Variants in NRXN3 observed in about 807,000 individuals in gnomAD.
NRXN3 encodes the protein neurexin 3.
NRXN3 carries 32 observed loss-of-function variants against 137.6 expected under a neutral mutation model. The ratio of observed to expected loss-of-function variants is 0.23; its 90% CI spans 0.18 to 0.31. The LOEUF (loss-of-function observed/expected upper bound fraction) is 0.31. Among genes scored for constraint, NRXN3 ranks in the 10% least tolerant of loss-of-function variants. The pLI is 1.00. For missense variants in NRXN3, 1,574 were observed against 2,062.5 expected (o/e 0.76, Z 4.59); for synonymous variants, 798 against 784.5 (o/e 1.02, Z -0.29).
chr14:79,786,723 A>G (rs1246623816), intron 19 of NRXN3, among the ~76,000 whole-genome samples: 1 of 152,252 alleles, frequency 6.6e-6, no homozygotes, highest in Admixed American at 6.5e-5. Context: ...TTAACTGCCC[A>G]ATGTTCAACT....
intron 20 of NRXN3, among the ~76,000 whole-genome samples, chr14:79,828,030 A>G (rs560755670): frequency 1.4e-4 from 21 of 152,270 alleles, no homozygotes; most frequent in African/African-American, 4.8e-4. Context: ...TCTCACTGTC[A>G]TGAGGACAGC....
intron 16 of NRXN3, 126 bp from the exon 17 acceptor site, chr14:79,663,652 T>C (rs2098545027): frequency 2.7e-6 from 2 of 737,466 alleles, no homozygotes; most frequent in Non-Finnish European, 4.5e-6. Flanking sequence ...GCTATTATTA[T>C]CTTATCTTCA....
At chr14:78,869,880 G>A (rs2099097083) in intron 10 of NRXN3, among the ~76,000 whole-genome samples, 1 of 152,166 alleles carries the variant, frequency 6.6e-6, no homozygotes, top group African/African-American at 2.4e-5. Context: ...CAGTGTAGGA[G>A]AGAGAATGGG....
At chr14:78,463,312 T>G (rs1257243332) in intron 4 of NRXN3, among the ~76,000 whole-genome samples, 1 of 152,114 alleles carries the variant, frequency 6.6e-6, no homozygotes, top group Non-Finnish European at 1.5e-5. Context: ...CTTAGGTTGA[T>G]TCTATGACTT....
In NRXN3 at chr14:79,049,098, T is replaced by TAATAATAATAC. The variant is rs1272827423; in HGVS notation, c.3262+60957_3262+60958insAATAATAATAC. Among the ~76,000 whole-genome samples the TAATAATAATAC allele has an allele frequency of 5.2e-3, 529 of 102,298 alleles. 48 individuals are homozygous for TAATAATAATAC. The highest frequency in any genetic ancestry group is 0.021 in the African/African-American group (508 of 24,164). The allele number at this position is 102,298 out of a possible 152,430, so 67.1% of individuals were successfully genotyped here. The stretch of plus-strand genomic sequence containing the variant: ...AATAATAATAATAATAATAATAATA[T>TAATAATAATAC]GATGGGGTGTGCTGCATTGACTGAT... On this transcript the variant is annotated intron_variant, in intron 15 of 20. Transcript: ENST00000335750.
At chr14:79,257,840 A>G (rs1224085773) in intron 15 of NRXN3, among the ~76,000 whole-genome samples, 1 of 151,996 alleles carries the variant, frequency 6.6e-6, no homozygotes, top group Non-Finnish European at 1.5e-5. Context: ...CTGTAAAATT[A>G]TTGTATTTTC....
At chr14:79,758,694 GT>G (rs1250136650) in intron 19 of NRXN3, among the ~76,000 whole-genome samples, 7 of 152,276 alleles carry the variant, frequency 4.6e-5, no homozygotes, top group Non-Finnish European at 8.8e-5. Flanking sequence ...GGTCCAGGAC[GT>G]GTTCAACAGT....
intron 15 of NRXN3, among the ~76,000 whole-genome samples, chr14:79,301,442 T>C (rs1757004104): frequency 1.3e-5 from 2 of 151,964 alleles, no homozygotes; most frequent in South Asian, 4.2e-4. Flanking sequence ...ATAAAACTAA[T>C]AGGTGCCACT....
intron 4 of NRXN3, among the ~76,000 whole-genome samples, chr14:78,447,451 A>T (rs2094447138): frequency 6.6e-6 from 1 of 152,236 alleles, no homozygotes; most frequent in Admixed American, 6.5e-5. Context: ...GAAAGAAATA[A>T]CTTTTTTAAT....
chr14:78,967,197 T>TC lies in NRXN3; in HGVS notation c.2778-11_2778-10insC, dbSNP rs1374110305. The TC allele has an allele frequency of 6.3e-7, 1 of 1,581,490 alleles. No individual in the cohort carries two copies. The highest frequency in any genetic ancestry group is 8.6e-7 in the Non-Finnish European group (1 of 1,166,978). ...TTTCCAATTATTGTTTTTTTTTTTT[T>TC]TTCTTCCTAGGTATATACACTACGT... On this transcript the variant is annotated splice_polypyrimidine_tract_variant and intron_variant, in intron 12 of 20. Transcript: ENST00000335750.
At chr14:79,318,444 C>T (rs544711503) in intron 15 of NRXN3, among the ~76,000 whole-genome samples, 29 of 152,182 alleles carry the variant, frequency 1.9e-4, no homozygotes, top group Middle Eastern at 3.4e-3. Flanking sequence ...AATGCTAGGA[C>T]GATTACTTTA....
At chr14:79,598,667 A>G (rs1471824678) in intron 16 of NRXN3, among the ~76,000 whole-genome samples, 1 of 152,154 alleles carries the variant, frequency 6.6e-6, no homozygotes, top group Non-Finnish European at 1.5e-5. Flanking sequence ...CTCAAAATCT[A>G]TTTCTTAGCA....
chr14:78,819,786 G>A (rs535596521), intron 10 of NRXN3, among the ~76,000 whole-genome samples: 2 of 152,266 alleles, frequency 1.3e-5, no homozygotes, highest in African/African-American at 4.8e-5. Context: ...TATATTCAGA[G>A]AAAACAGAAT....
chr14:79,026,306 G>T (rs2099597937), intron 15 of NRXN3, among the ~76,000 whole-genome samples: 1 of 152,102 alleles, frequency 6.6e-6, no homozygotes, highest in Non-Finnish European at 1.5e-5. Context: ...TCCTCTTGTA[G>T]TCTTGAGTAA....
chr14:78,860,084 A>G (rs2099068468), intron 10 of NRXN3, among the ~76,000 whole-genome samples: 1 of 152,146 alleles, frequency 6.6e-6, no homozygotes, highest in South Asian at 2.1e-4. Context: ...ATATGCTATT[A>G]TTAGCCCTGA....
chr14:79,646,217 A>G (rs1390812306), intron 16 of NRXN3, among the ~76,000 whole-genome samples: 3 of 134,822 alleles, frequency 2.2e-5, no homozygotes, highest in African/African-American at 7.4e-5. Flanking sequence ...AAATATGGTG[A>G]TCATATGTAT....
At chr14:79,167,663 G>C (rs1308300818) in intron 15 of NRXN3, among the ~76,000 whole-genome samples, 3 of 151,728 alleles carry the variant, frequency 2.0e-5, no homozygotes, top group Non-Finnish European at 2.9e-5. Context: ...TCTAATTGCA[G>C]GTTACCATTT....
chr14:79,272,525 G>A (rs1423109485), intron 15 of NRXN3, among the ~76,000 whole-genome samples: 2 of 152,058 alleles, frequency 1.3e-5, no homozygotes, highest in African/African-American at 2.4e-5. Context: ...CTAGGAAGAA[G>A]GCTAATTATT....
intron 15 of NRXN3, among the ~76,000 whole-genome samples, chr14:79,156,099 A>G (rs775199750): frequency 4.2e-4 from 64 of 151,888 alleles, no homozygotes; most frequent in Non-Finnish European, 7.4e-4. Flanking sequence ...AACAACCATC[A>G]CAACAAGAAA....
Sources: gnomAD v4.1 joint callset for allele counts (sites outside exome capture counted in the v4.1 genomes callset) on GRCh38, gnomAD v4.1.1 for gene constraint, MANE v1.5 for transcripts, NCBI Gene and HGNC (gene_info 2026-07-23, HGNC 2026-07-21) for gene names.